Variants in ZNF236 observed in about 807,000 individuals in gnomAD.
The protein encoded by ZNF236 is zinc finger protein 236, also known as regulated by glucose.
In ZNF236, 50 loss-of-function variants were observed where a neutral mutation model predicts 191.2. The observed-to-expected ratio is 0.26, with a 90% CI of 0.21 to 0.33. The LOEUF (loss-of-function observed/expected upper bound fraction) is 0.33, where lower values mean the gene tolerates loss of function less well. Among genes scored for constraint, ZNF236 ranks in the 10% least tolerant of loss-of-function variants. ZNF236 has a pLI of 1.00. For missense variants in ZNF236, 1,754 were observed against 2,374.5 expected (o/e 0.74, Z 5.43); for synonymous variants, 907 against 928.8 (o/e 0.98, Z 0.43).
At chr18:76,827,886 C>T (rs1044232315) in intron 1 of ZNF236, among the ~76,000 whole-genome samples, 2 of 152,100 alleles carry the variant, frequency 1.3e-5, no homozygotes, top group Admixed American at 1.3e-4. Flanking sequence ...ATTTTGGAAT[C>T]TTGTATGATT....
intron 16 of ZNF236, among the ~76,000 whole-genome samples, chr18:76,911,462 C>G (rs1476532834): frequency 6.6e-6 from 1 of 152,194 alleles, no homozygotes; most frequent in East Asian, 1.9e-4. Context: ...AAGTGGAGAA[C>G]GTACTTCTTA....
chr18:76,897,928 G>C (rs998113766), intron 10 of ZNF236, among the ~76,000 whole-genome samples: 3 of 152,188 alleles, frequency 2.0e-5, no homozygotes, highest in Non-Finnish European at 4.4e-5. Flanking sequence ...TACAGGTAAA[G>C]AAAACAGATG....
In ZNF236 at chr18:76,915,802, A is replaced by G. The variant is rs760823487; in HGVS notation, c.3217A>G (p.Lys1073Glu). The G allele has an allele frequency of 1.2e-6, 2 of 1,614,230 alleles. No homozygotes were observed. Among genetic ancestry groups the G allele is most frequent in the South Asian group, 2.2e-5 (2 of 91,086 alleles). ...RTTVHCKKHM[K>E]RHQTVPSAVS... is the part of the protein sequence containing the mutation. ...TACAGTGCATTGTAAAAAGCACATG[A>G]AGAGACACCAAACAGTCCCCTCTGC... Residue 1073 changes from lysine (K) to glutamate (E), a missense_variant, in exon 19 of 31, where the codon AAG becomes GAG. By Grantham distance (56) the Lys-to-Glu change is moderately conservative (BLOSUM62 1). This residue lies in a region of ZNF236 where 641 missense variants were observed against 869.6 expected (regional missense o/e 0.74). Transcript: ENST00000320610.
Position 76,880,798 on chromosome 18 carries a change from C to T in ZNF236, c.1188+482C>T, listed in dbSNP as rs929164694. 6.6e-5 allele frequency among the ~76,000 whole-genome samples: 10 copies of T among 152,176 alleles called. 1 individual carries two copies. The highest frequency in any genetic ancestry group is 1.9e-4 in the East Asian group (1 of 5,158). On this transcript the variant is annotated intron_variant, in intron 8 of 30. Coordinates refer to ENST00000320610, the MANE Select transcript of ZNF236 (RefSeq NM_001306089.2). This position sits in a 1 kb window ranked among gnomAD's most constrained non-coding sequence, Gnocchi z 5.0. The stretch of plus-strand genomic sequence containing the variant: ...CAGAGCCCCCAGCTTTCTAGTCCAC[C>T]GTGACTTCACACTAACTCTTCACTC...
chr18:76,871,622 T>C, intron 4 of ZNF236, 79 bp from the exon 5 acceptor site: 2 of 1,579,740 alleles, frequency 1.3e-6, no homozygotes, highest in Non-Finnish European at 1.7e-6. Flanking sequence ...AGCCAAATTT[T>C]CTGGTAGGAT....
rs1968612936 is a variant in ZNF236, at chr18:76,959,702, C to T, written c.5128C>T (p.His1710Tyr). The T allele has an allele frequency of 1.2e-6, 2 of 1,613,098 alleles. No homozygotes were observed. Among genetic ancestry groups the T allele is most frequent in the Non-Finnish European group, 1.7e-6 (2 of 1,179,464 alleles). Residue 1710 changes from histidine (H) to tyrosine (Y), a missense_variant, in exon 29 of 31, where the codon CAC becomes TAC. His to Tyr is a moderately conservative substitution (Grantham distance 83). Coordinates refer to ENST00000320610, the MANE Select transcript of ZNF236 (RefSeq NM_001306089.2). ...TGTCTCCCAGGAGCACATGCAGACA[C>T]ACCAGGCCGGCCCCTCTTTGAGCTC... The part of the protein sequence containing the change: ...ATHLKEHMQT[H>Y]QAGPSLSSQK...
chr18:76,865,873 A>G (rs1599345543), intron 3 of ZNF236, among the ~76,000 whole-genome samples: 1 of 152,182 alleles, frequency 6.6e-6, no homozygotes, highest in African/African-American at 2.4e-5. Context: ...TATACTTAGG[A>G]ACTAAATTAA....
chr18:76,850,948 A>T (rs1799167855), intron 2 of ZNF236, among the ~76,000 whole-genome samples: 2 of 151,464 alleles, frequency 1.3e-5, no homozygotes, highest in Admixed American at 1.3e-4. Flanking sequence ...GGTCAGAAAT[A>T]GAAGGGAAAA....
chr18:76,919,080 T>TA lies in ZNF236; in HGVS notation c.3275-690dup, dbSNP rs1453348506. 6.6e-6 allele frequency among the ~76,000 whole-genome samples: 1 copy of TA among 152,214 alleles called. No individual in the cohort carries two copies. The highest frequency in any genetic ancestry group is 6.5e-5 in the Admixed American group (1 of 15,274). On this transcript the variant is annotated intron_variant, in intron 19 of 30. Coordinates refer to ENST00000320610, the MANE Select transcript of ZNF236 (RefSeq NM_001306089.2). The surrounding 1 kb of genome is among the most constrained non-coding windows in gnomAD (Gnocchi z 5.3). ...TCTCCCATTTTTGGGCTTCTGGTTT[T>TA]AAAAAATCTGATGGTAATTCATTTT... is the stretch of plus-strand genomic sequence containing the variant.
intron 25 of ZNF236, among the ~76,000 whole-genome samples, chr18:76,931,754 G>T (rs74701862): frequency 6.6e-6 from 1 of 152,208 alleles, no homozygotes; most frequent in Non-Finnish European, 1.5e-5. Context: ...ATGAGCTCAT[G>T]TAAGATAAAT....
At chr18:76,947,739 G>A (rs1435330067) in intron 27 of ZNF236, 87 bp downstream of exon 27, 9 of 1,477,700 alleles carry the variant, frequency 6.1e-6, no homozygotes, top group South Asian at 3.9e-5. Context: ...GGTTATGGGC[G>A]TGCTGTGTGA....
chr18:76,873,485 G>A (rs879682709), intron 5 of ZNF236, among the ~76,000 whole-genome samples: 3 of 152,178 alleles, frequency 2.0e-5, no homozygotes, highest in Admixed American at 6.5e-5. Flanking sequence ...CAGGAGTCAC[G>A]TAGGCCGGTG....
chr18:76,894,912 C>T (rs1441176397), intron 9 of ZNF236, 101 bp from the exon 10 acceptor site: 3 of 1,478,776 alleles, frequency 2.0e-6, no homozygotes, highest in Non-Finnish European at 2.7e-6. Flanking sequence ...TTTCCCATAA[C>T]TGATCATGCG....
rs1257332361 is a variant in ZNF236, at chr18:76,851,864, C to T, written c.288C>T (p.Thr96=). ...GCACCCACAGCGGGGAAGATCCTACCTGCCCTGTGTGTAACAAGAAATTCT... is the reference window on the plus strand; with the variant it reads ...GCACCCACAGCGGGGAAGATCCTACTTGCCCTGTGTGTAACAAGAAATTCT... ...HKCTHSGEDP[T]CPVCNKKFSR... The change falls in exon 3 of 31, where the codon ACC becomes ACT. Residue 96 remains threonine (T), a synonymous_variant. Coordinates refer to ENST00000320610, the MANE Select transcript of ZNF236 (RefSeq NM_001306089.2). 3.7e-6 allele frequency: 6 copies of T among 1,614,124 alleles called. No individual in the cohort carries two copies. The highest frequency in any genetic ancestry group is 1.3e-5 in the African/African-American group (1 of 75,054).
intron 9 of ZNF236, among the ~76,000 whole-genome samples, chr18:76,892,168 G>GTTTTTTTTTTTTTT (rs34870901): frequency 5.7e-5 from 3 of 52,774 alleles, no homozygotes; most frequent in Non-Finnish European, 6.8e-5. Flanking sequence ...TTTCTTCTGG[G>GTTTTTTTTTTTTTT]TTTTTTTTTT....
At chr18:76,850,905 G>A (rs1337874258) in intron 2 of ZNF236, among the ~76,000 whole-genome samples, 2 of 151,326 alleles carry the variant, frequency 1.3e-5, no homozygotes, top group Non-Finnish European at 2.9e-5. Context: ...CCCCCGGCCT[G>A]CTTGAAGTGA....
chr18:76,884,600 AG>A (rs1976995485), intron 9 of ZNF236, among the ~76,000 whole-genome samples: 1 of 152,140 alleles, frequency 6.6e-6, no homozygotes, highest in Non-Finnish European at 1.5e-5. Flanking sequence ...TTGTTAACTT[AG>A]CCACTTCTTG....
At chr18:76,946,997 A>G (rs997980040) in intron 26 of ZNF236, among the ~76,000 whole-genome samples, 5 of 152,288 alleles carry the variant, frequency 3.3e-5, no homozygotes, top group African/African-American at 9.6e-5. Context: ...CACCCCTTAA[A>G]GAAACGTGGA....
chr18:76,955,196 C>G (rs1171204066), intron 27 of ZNF236, among the ~76,000 whole-genome samples: 2 of 152,130 alleles, frequency 1.3e-5, no homozygotes, highest in Non-Finnish European at 2.9e-5. Flanking sequence ...CCTTTGAGTT[C>G]AGGAGTTCTA....
Sources: gnomAD v4.1 joint callset for allele counts (sites outside exome capture counted in the v4.1 genomes callset) on GRCh38, gnomAD v4.1.1 for gene constraint, gnomAD v4.1.1 regional missense constraint, Gnocchi (gnomAD v3.1) non-coding constraint, MANE v1.5 for transcripts, NCBI Gene and HGNC (gene_info 2026-07-23, HGNC 2026-07-21) for gene names.